The following RHCE variants were observed in gnomAD, a reference collection of about 807,000 sequenced individuals.
RHCE encodes Rh blood group CcEe antigens.
A neutral mutation model predicts 43.8 loss-of-function variants in RHCE; 22 were observed. That is an observed-to-expected ratio of 0.50 (90% confidence interval 0.36 to 0.72). The LOEUF is 0.72. Ranked by LOEUF, RHCE falls within the 30% of genes least tolerant of loss-of-function variation. The pLI, the probability that RHCE is intolerant of heterozygous loss-of-function variation, is 0.00. For synonymous variants in RHCE, 156 were observed against 210.7 expected, an observed-to-expected ratio of 0.74 and a Z score of 2.25; for missense variants, 385 against 525.4, an observed-to-expected ratio of 0.73 and a Z score of 2.61.
intron 1 of RHCE, among the ~76,000 whole-genome samples, chr1:25,411,080 A>G (rs1234164663): frequency 6.6e-6 from 1 of 151,376 alleles, no homozygotes; most frequent in Admixed American, 6.6e-5. Flanking sequence ...CGACACAGTG[A>G]GACTCTGTCT....
At chr1:25,404,245 G>A (rs963822020) in intron 2 of RHCE, among the ~76,000 whole-genome samples, 16 of 150,320 alleles carry the variant, frequency 1.1e-4, no homozygotes, top group Non-Finnish European at 2.2e-4. Flanking sequence ...ATTTTACAGA[G>A]GGTCACGTAG....
chr1:25,379,493 ATATTTTTTTTTTTTT>A (rs1245889179), intron 7 of RHCE, among the ~76,000 whole-genome samples: 21 of 17,882 alleles, frequency 1.2e-3, no homozygotes, highest in Non-Finnish European at 1.1e-3. Flanking sequence ...ATATATATAT[ATATTTTTTTTTTTTT>A]TTTTTTTTTT....
intron 5 of RHCE, among the ~76,000 whole-genome samples, chr1:25,389,341 G>T (rs1646284912): frequency 1.3e-5 from 2 of 152,096 alleles, no homozygotes; most frequent in Admixed American, 1.3e-4. Flanking sequence ...CCCTGATTGT[G>T]CAGCATTTAG....
At chr1:25,393,220 T>A (rs1055040470) in intron 3 of RHCE, among the ~76,000 whole-genome samples, 4 of 152,170 alleles carry the variant, frequency 2.6e-5, no homozygotes, top group African/African-American at 9.7e-5. Flanking sequence ...TAAGCCACCA[T>A]CACCGCTACC....
chr1:25,379,491 ATATATTTTTTT>A (rs1645922391), intron 7 of RHCE, among the ~76,000 whole-genome samples: 1 of 18,286 alleles, frequency 5.5e-5, no homozygotes, highest in Non-Finnish European at 7.6e-5. Flanking sequence ...ATATATATAT[ATATATTTTTTT>A]TTTTTTTTTT....
At chr1:25,373,882 G>A (rs553011675) in intron 8 of RHCE, among the ~76,000 whole-genome samples, 1 of 148,882 alleles carries the variant, frequency 6.7e-6, no homozygotes, top group East Asian at 2.0e-4. Context: ...CTAGGCTGGT[G>A]CAACCTTGGC....
intron 7 of RHCE, among the ~76,000 whole-genome samples, chr1:25,381,606 G>A (rs540186436): frequency 6.6e-5 from 10 of 152,112 alleles, no homozygotes; most frequent in East Asian, 5.8e-4. Flanking sequence ...ACAGGTGTGC[G>A]CCAGAGTGCC....
intron 1 of RHCE, among the ~76,000 whole-genome samples, chr1:25,409,879 G>A (rs1261649103): frequency 2.0e-5 from 3 of 151,506 alleles, no homozygotes; most frequent in South Asian, 4.2e-4. Flanking sequence ...AACTTGCCCC[G>A]GTGGGTAGAG....
chr1:25,373,030 G>A (rs1192712231), intron 8 of RHCE, among the ~76,000 whole-genome samples: 1 of 151,450 alleles, frequency 6.6e-6, no homozygotes, highest in Non-Finnish European at 1.5e-5. Context: ...TGAACTCCTG[G>A]CCTCAAGCTA....
At chr1:25,394,301 T>TA (rs200688986) in intron 3 of RHCE, among the ~76,000 whole-genome samples, 1,539 of 152,136 alleles carry the variant, frequency 0.01, 27 homozygotes, top group African/African-American at 0.034. Context: ...TTTTTTTTTT[T>TA]ATCACCATGT....
chr1:25,372,302 C>A (rs1328517343), intron 8 of RHCE, among the ~76,000 whole-genome samples: 2 of 151,378 alleles, frequency 1.3e-5, no homozygotes, highest in Non-Finnish European at 2.9e-5. Context: ...GGCGGATCAC[C>A]TGAGGTCAGG....
Position 25,374,187 on chromosome 1 carries a change from T to C in RHCE, c.1153+1162A>G, listed in dbSNP as rs148887624. ...CACTGCAACCTCTGCCTCCCGGGTT[T>C]AAGCAATTCTCCTGCCTCAGCCTCC... On this transcript the variant is annotated intron_variant, in intron 8 of 9. Transcript: ENST00000294413. Among the ~76,000 whole-genome samples the C allele has an allele frequency of 9.5e-3, 1,328 of 140,196 alleles. 20 individuals are homozygous for C. Among genetic ancestry groups the C allele is most frequent in the African/African-American group, 0.033 (1,225 of 37,220 alleles). 92.0% of individuals were successfully genotyped at this position (140,196 alleles called of 152,430 possible).
intron 7 of RHCE, among the ~76,000 whole-genome samples, chr1:25,382,814 T>C (rs1049843628): frequency 1.3e-5 from 2 of 152,204 alleles, no homozygotes; most frequent in Admixed American, 1.3e-4. Context: ...ATTTCAGCAT[T>C]TGAGGACAAC....
intron 9 of RHCE, among the ~76,000 whole-genome samples, chr1:25,370,032 C>T (rs1645560677): frequency 6.6e-6 from 1 of 151,596 alleles, no homozygotes; most frequent in African/African-American, 2.4e-5. Context: ...AGCCACCGTG[C>T]CCAGCCAGTT....
At chr1:25,394,629 A>G (rs938652766) in intron 3 of RHCE, among the ~76,000 whole-genome samples, 5 of 152,128 alleles carry the variant, frequency 3.3e-5, no homozygotes, top group Non-Finnish European at 7.4e-5. Flanking sequence ...GTTCCACGAG[A>G]GTTGTATTTT....
chr1:25,374,018 C>G lies in RHCE; in HGVS notation c.1153+1331G>C, dbSNP rs544177482. Among the ~76,000 whole-genome samples, 17 of 148,468 alleles carry G rather than the reference C, an allele frequency of 1.1e-4. No homozygotes were observed. The East Asian group carries it at 2.8e-3, about 24-fold the overall frequency. The stretch of plus-strand genomic sequence containing the variant: ...GTATTTCTGGCAGAGACAGGGTTTT[C>G]CCATGTTGGTCAGGCTGGTCTCGAA... On this transcript the variant is annotated intron_variant, in intron 8 of 9. Transcript: ENST00000294413.
chr1:25,372,302 C>CT (rs1334539599), intron 8 of RHCE, among the ~76,000 whole-genome samples: 1 of 151,378 alleles, frequency 6.6e-6, no homozygotes, highest in Non-Finnish European at 1.5e-5. Context: ...GGCGGATCAC[C>CT]TGAGGTCAGG....
At chr1:25,385,675 G>A (rs767265336) in intron 7 of RHCE, 36 bp downstream of exon 7, 48 of 1,613,850 alleles carry the variant, frequency 3.0e-5, no homozygotes, top group Non-Finnish European at 3.3e-5. Flanking sequence ...TTGGAGGGGA[G>A]TGTTAAGGGG....
chr1:25,420,313 C>T (rs897817079), intron 1 of RHCE, among the ~76,000 whole-genome samples: 2 of 152,082 alleles, frequency 1.3e-5, no homozygotes, highest in Admixed American at 6.6e-5. Context: ...AAAATCCTTG[C>T]CACTAAGGAG....
Sources: gnomAD v4.1 joint callset for allele counts (sites outside exome capture counted in the v4.1 genomes callset) on GRCh38, gnomAD v4.1.1 for gene constraint, MANE v1.5 for transcripts, NCBI Gene and HGNC (gene_info 2026-07-23, HGNC 2026-07-21) for gene names.